MAD1L1: variants seen among roughly 807,000 people sequenced by gnomAD.
The protein encoded by MAD1L1 is mitotic spindle assembly checkpoint protein MAD1.
Under a neutral mutation model 96.9 loss-of-function variants are expected in MAD1L1, and 95 were observed. The ratio of observed to expected loss-of-function variants is 0.98; its 90% CI spans 0.83 to 1.16. MAD1L1 has a LOEUF of 1.16. Among genes scored for constraint, MAD1L1 ranks in the 50% most tolerant of loss-of-function variants. The pLI, the probability that MAD1L1 is intolerant of heterozygous loss-of-function variation, is 0.00. For missense variants in MAD1L1, 1,007 were observed against 954.4 expected (o/e 1.06, Z -0.73); for synonymous variants, 473 against 396.6 (o/e 1.19, Z -2.29).
chr7:2,149,067 A>G, intron 11 of MAD1L1, 85 bp downstream of exon 11: 2 of 1,214,872 alleles, frequency 1.6e-6, no homozygotes, highest in Admixed American at 3.8e-5. Context: ...CCATCCCCCA[A>G]GAGCCAGGGG....
chr7:1,882,102 A>C (rs1488881182), intron 18 of MAD1L1, among the ~76,000 whole-genome samples: 2 of 152,086 alleles, frequency 1.3e-5, no homozygotes, highest in Non-Finnish European at 2.9e-5. Context: ...TCCACCAGGA[A>C]GGTCTGTGGC....
At chr7:2,047,734 A>ACAG (rs1453977930) in intron 12 of MAD1L1, among the ~76,000 whole-genome samples, 1 of 152,152 alleles carries the variant, frequency 6.6e-6, no homozygotes, top group Non-Finnish European at 1.5e-5. Context: ...CAGAGCTCAC[A>ACAG]CAGCACAGAC....
At chr7:2,060,100 G>C (rs914891304) in intron 12 of MAD1L1, among the ~76,000 whole-genome samples, 1 of 150,636 alleles carries the variant, frequency 6.6e-6, no homozygotes, top group African/African-American at 2.4e-5. Context: ...CGCTGATGCC[G>C]AGATACGCCG....
intron 11 of MAD1L1, chr7:2,089,346 T>G (rs1191077590): frequency 6.6e-6 from 1 of 152,496 alleles, no homozygotes; most frequent in East Asian, 1.9e-4. Context: ...CTCGTGATAG[T>G]GAATAAGACT....
At chr7:2,050,743 G>A (rs537660657) in intron 12 of MAD1L1, among the ~76,000 whole-genome samples, 3 of 146,324 alleles carry the variant, frequency 2.1e-5, no homozygotes, top group Non-Finnish European at 4.4e-5. Flanking sequence ...CCCCGAGGGC[G>A]GCTCAGTCCT....
At chr7:1,972,720 C>T (rs1233224943) in intron 15 of MAD1L1, among the ~76,000 whole-genome samples, 1 of 151,798 alleles carries the variant, frequency 6.6e-6, no homozygotes, top group Non-Finnish European at 1.5e-5. Context: ...CTGGGCTATT[C>T]CACTCTCCTT....
chr7:2,193,754 G>C (rs558045498), intron 10 of MAD1L1, among the ~76,000 whole-genome samples: 2 of 152,144 alleles, frequency 1.3e-5, no homozygotes, highest in Non-Finnish European at 2.9e-5. Context: ...GCTGAGCCGC[G>C]ATCCGGGAGA....
rs527631479 is a variant in MAD1L1, at chr7:2,047,768, G to A, written c.1218+21426C>T. Among the ~76,000 whole-genome samples the A allele has an allele frequency of 2.0e-4, 31 of 152,054 alleles. No individual in the cohort carries two copies. In the South Asian group the frequency reaches 5.2e-3, roughly 26 times the overall value. ...ACATGCACACTCACATGCATACAGA[G>A]AGCTGCCTCTGCAGACACATGCACA... On this transcript the variant is annotated intron_variant, in intron 12 of 18. Transcript: ENST00000265854.
At chr7:1,980,422 G>C in intron 15 of MAD1L1, 31 bp downstream of exon 15, 2 of 1,584,710 alleles carry the variant, frequency 1.3e-6, no homozygotes, top group Admixed American at 1.7e-5. Flanking sequence ...GACACACCTG[G>C]GCGTGTCCGC....
chr7:1,865,162 T>C (rs909608248), intron 18 of MAD1L1, among the ~76,000 whole-genome samples: 1 of 152,116 alleles, frequency 6.6e-6, no homozygotes, highest in Non-Finnish European at 1.5e-5. Context: ...AGGGGGCACA[T>C]GCGTGAGGCG....
chr7:2,013,841 C>A (rs547922195), intron 13 of MAD1L1, among the ~76,000 whole-genome samples: 7 of 152,208 alleles, frequency 4.6e-5, no homozygotes, highest in South Asian at 2.1e-4. Context: ...CCAGGCCCTG[C>A]GATACCCAGC....
intron 10 of MAD1L1, among the ~76,000 whole-genome samples, chr7:2,186,642 G>C (rs1584504843): frequency 6.6e-6 from 1 of 152,180 alleles, no homozygotes; most frequent in African/African-American, 2.4e-5. Context: ...TTTTTGAAAA[G>C]CATGTCACAG....
chr7:2,045,978 C>T (rs1205460971), intron 12 of MAD1L1, among the ~76,000 whole-genome samples: 1 of 152,232 alleles, frequency 6.6e-6, no homozygotes, highest in Non-Finnish European at 1.5e-5. Context: ...TCCCTGAGGG[C>T]CTGCCCATGA....
chr7:2,065,539 A>T (rs1484981725), intron 12 of MAD1L1, among the ~76,000 whole-genome samples: 1 of 152,180 alleles, frequency 6.6e-6, no homozygotes, highest in Admixed American at 6.5e-5. Context: ...CACCAACCCC[A>T]GCTTCGGAGG....
At chr7:2,097,431 A>G (rs1367847513) in intron 11 of MAD1L1, among the ~76,000 whole-genome samples, 1 of 151,916 alleles carries the variant, frequency 6.6e-6, no homozygotes, top group Non-Finnish European at 1.5e-5. Flanking sequence ...AGGGGGTCTC[A>G]CTCCGCCCAG....
chr7:1,886,989 C>A (rs116216782), intron 18 of MAD1L1, among the ~76,000 whole-genome samples: 1 of 152,282 alleles, frequency 6.6e-6, no homozygotes, highest in Non-Finnish European at 1.5e-5. Flanking sequence ...TGTCAGTGAC[C>A]GCATGGCAGC....
At chr7:1,944,955 GCA>G (rs941588619) in intron 16 of MAD1L1, among the ~76,000 whole-genome samples, 8 of 152,228 alleles carry the variant, frequency 5.3e-5, no homozygotes, top group South Asian at 2.1e-4. Flanking sequence ...CCCTGCAAGT[GCA>G]CAGTGCAGTG....
chr7:2,028,590 G>A (rs913840635), intron 12 of MAD1L1, among the ~76,000 whole-genome samples: 6 of 152,128 alleles, frequency 3.9e-5, no homozygotes, highest in Admixed American at 2.6e-4. Flanking sequence ...TAAAATCTAC[G>A]TGAAGAGGCG....
chr7:1,915,809 C>T (rs925692560), intron 17 of MAD1L1, among the ~76,000 whole-genome samples: 2 of 152,182 alleles, frequency 1.3e-5, no homozygotes, highest in African/African-American at 2.4e-5. Flanking sequence ...ACAGAACCAG[C>T]GGGATAAGGG....
Sources: gnomAD v4.1 joint callset for allele counts (sites outside exome capture counted in the v4.1 genomes callset) on GRCh38, gnomAD v4.1.1 for gene constraint, MANE v1.5 for transcripts, NCBI Gene and HGNC (gene_info 2026-07-23, HGNC 2026-07-21) for gene names.